EXOC6B: variants seen among roughly 807,000 people sequenced by gnomAD.
EXOC6B encodes the protein exocyst complex component 6B.
EXOC6B carries 54 observed loss-of-function variants against 113.5 expected under a neutral mutation model. That is an observed-to-expected ratio of 0.48 (90% CI 0.38 to 0.60). The LOEUF (loss-of-function observed/expected upper bound fraction) is 0.60, where lower values mean the gene tolerates loss of function less well. Ranked by LOEUF, EXOC6B falls within the 20% of genes least tolerant of loss-of-function variation. The pLI is 0.00. For missense variants in EXOC6B, 797 were observed against 977.5 expected, an observed-to-expected ratio of 0.82 and a Z score of 2.46; for synonymous variants, 357 against 339.0, an observed-to-expected ratio of 1.05 and a Z score of -0.58.
chr2:72,320,627 A>T (rs1015911326), intron 20 of EXOC6B, among the ~76,000 whole-genome samples: 4 of 152,230 alleles, frequency 2.6e-5, no homozygotes, highest in African/African-American at 7.2e-5. Context: ...GAACTCCTAG[A>T]TGAAAACATA....
intron 1 of EXOC6B, among the ~76,000 whole-genome samples, chr2:72,770,902 G>C (rs1192078713): frequency 6.6e-6 from 1 of 152,032 alleles, no homozygotes; most frequent in African/African-American, 2.4e-5. Context: ...AGAAAAAAAG[G>C]AAGCCATTAG....
At position 72,358,378 on chromosome 2, in the gene EXOC6B, A is replaced by G. The variant is rs186863535; in HGVS notation, c.2122+21351T>C. On this transcript the variant is annotated intron_variant, in intron 19 of 21. Coordinates refer to ENST00000272427, the MANE Select transcript of EXOC6B (RefSeq NM_015189.3). ...GGAGCCCAAAGCCCAAGCAAGGTTT[A>G]ATGAATGCCCAAGACCAAGACCATA... is the stretch of plus-strand genomic sequence containing the variant. Among the ~76,000 whole-genome samples the G allele has an allele frequency of 2.8e-4, 43 of 152,270 alleles. 1 individual carries two copies. In the East Asian group the frequency reaches 7.1e-3, roughly 25 times the overall value.
intron 8 of EXOC6B, among the ~76,000 whole-genome samples, chr2:72,554,885 C>T (rs1304793683): frequency 6.6e-6 from 1 of 152,096 alleles, no homozygotes. Flanking sequence ...AGGTATTTCT[C>T]CTAATGCTAT....
chr2:72,390,465 C>A (rs909283232), intron 18 of EXOC6B, among the ~76,000 whole-genome samples: 4 of 152,128 alleles, frequency 2.6e-5, no homozygotes, highest in Non-Finnish European at 4.4e-5. Flanking sequence ...GCATATCTAG[C>A]AAATTTTTTA....
chr2:72,465,713 G>A (rs1384270652), intron 17 of EXOC6B, among the ~76,000 whole-genome samples: 1 of 152,162 alleles, frequency 6.6e-6, no homozygotes, highest in African/African-American at 2.4e-5. Flanking sequence ...ACAACAACCA[G>A]TATTCCAATG....
chr2:72,233,972 G>A (rs1681794932), intron 20 of EXOC6B, among the ~76,000 whole-genome samples: 1 of 152,194 alleles, frequency 6.6e-6, no homozygotes, highest in South Asian at 2.1e-4. Flanking sequence ...CGGATGGTAA[G>A]GCGTGTGCCC....
At chr2:72,742,076 C>G (rs1480490244) in intron 1 of EXOC6B, among the ~76,000 whole-genome samples, 1 of 152,150 alleles carries the variant, frequency 6.6e-6, no homozygotes, top group Non-Finnish European at 1.5e-5. Flanking sequence ...AAAAAACAGG[C>G]ACAAAGAACT....
chr2:72,483,092 T>C (rs1315916922), intron 16 of EXOC6B, among the ~76,000 whole-genome samples: 4 of 152,210 alleles, frequency 2.6e-5, no homozygotes, highest in Non-Finnish European at 5.9e-5. Flanking sequence ...AACAACCTTT[T>C]AACTTTGGAG....
chr2:72,448,682 T>C (rs970715612), intron 18 of EXOC6B, among the ~76,000 whole-genome samples: 9 of 147,736 alleles, frequency 6.1e-5, no homozygotes, highest in African/African-American at 2.2e-4. Flanking sequence ...TTTGTACTAC[T>C]AAAAAAAAAA....
chr2:72,281,337 C>T (rs1685115203), intron 20 of EXOC6B, among the ~76,000 whole-genome samples: 2 of 152,076 alleles, frequency 1.3e-5, no homozygotes, highest in South Asian at 4.1e-4. Flanking sequence ...AAAAAGTTAT[C>T]AGACTTATCA....
rs146682715 is a variant in EXOC6B, at chr2:72,176,265, A to C, written c.*3070T>G. 6.7e-6 allele frequency: 1 copy of C among 149,500 alleles called. No homozygotes were observed. Among genetic ancestry groups the C allele is most frequent in the Admixed American group, 6.7e-5 (1 of 14,826 alleles). The allele number at this position is 149,500 out of a possible 1,614,324, so 9.3% of individuals were successfully genotyped here. On this transcript the variant is annotated 3_prime_UTR_variant, in exon 22 of 22. Transcript: ENST00000272427. ...AGTAATTGTGAATGCAGGCAAAAAA[A>C]AAAAAAACAAAAAGGAAGAAGAAGA...
chr2:72,349,014 C>T (rs910482561), intron 19 of EXOC6B, among the ~76,000 whole-genome samples: 2 of 152,172 alleles, frequency 1.3e-5, no homozygotes, highest in African/African-American at 4.8e-5. Context: ...GTCTCATACT[C>T]TAAATTAATG....
At chr2:72,762,830 A>G (rs1682822746) in intron 1 of EXOC6B, among the ~76,000 whole-genome samples, 2 of 152,048 alleles carry the variant, frequency 1.3e-5, no homozygotes, top group Non-Finnish European at 2.9e-5. Flanking sequence ...AAGCAAAAAT[A>G]ATGATAATGA....
At chr2:72,332,831 C>CTCCT (rs1417849567) in intron 20 of EXOC6B, among the ~76,000 whole-genome samples, 1 of 152,080 alleles carries the variant, frequency 6.6e-6, no homozygotes, top group African/African-American at 2.4e-5. Context: ...GTTCAGAAGC[C>CTCCT]TCCTTTTAAA....
chr2:72,687,420 T>G (rs989505849), intron 6 of EXOC6B, among the ~76,000 whole-genome samples: 2 of 152,134 alleles, frequency 1.3e-5, no homozygotes, highest in Non-Finnish European at 2.9e-5. Context: ...ATCAAACACA[T>G]GCACTAAGCT....
chr2:72,201,758 T>C (rs974769660), intron 20 of EXOC6B, among the ~76,000 whole-genome samples: 26 of 152,188 alleles, frequency 1.7e-4, no homozygotes, highest in African/African-American at 6.0e-4. Flanking sequence ...TCAAAAGTAT[T>C]TGAGGCTGAC....
At chr2:72,298,037 T>C (rs1028576663) in intron 20 of EXOC6B, among the ~76,000 whole-genome samples, 2 of 152,202 alleles carry the variant, frequency 1.3e-5, no homozygotes, top group African/African-American at 4.8e-5. Context: ...AAGTCCTGAA[T>C]ATCCTTGTTA....
chr2:72,435,505 T>G (rs1695798364), intron 18 of EXOC6B, among the ~76,000 whole-genome samples: 1 of 152,164 alleles, frequency 6.6e-6, no homozygotes, highest in African/African-American at 2.4e-5. Flanking sequence ...TACAGTGGGG[T>G]GTTAAAGTCT....
At chr2:72,347,416 T>C (rs1279058897) in intron 19 of EXOC6B, among the ~76,000 whole-genome samples, 2 of 152,162 alleles carry the variant, frequency 1.3e-5, no homozygotes, top group Non-Finnish European at 2.9e-5. Flanking sequence ...CATATGAACA[T>C]ATATCCGAAG....
Sources: gnomAD v4.1 joint callset for allele counts (sites outside exome capture counted in the v4.1 genomes callset) on GRCh38, gnomAD v4.1.1 for gene constraint, MANE v1.5 for transcripts, NCBI Gene and HGNC (gene_info 2026-07-23, HGNC 2026-07-21) for gene names.